Variants in KLHL36 observed in about 807,000 individuals in gnomAD.
The protein encoded by KLHL36 is kelch like family member 36, also known as kelch-like protein 36.
A neutral mutation model predicts 53.3 loss-of-function variants in KLHL36; 35 were observed. That is an observed-to-expected ratio of 0.66 (90% CI 0.50 to 0.87). KLHL36 has a LOEUF of 0.87. Among genes scored for constraint, KLHL36 ranks in the 40% least tolerant of loss-of-function variants. The pLI is 0.00. For synonymous variants in KLHL36, 472 were observed against 398.9 expected, an observed-to-expected ratio of 1.18 and a Z score of -2.18; for missense variants, 864 against 897.6, an observed-to-expected ratio of 0.96 and a Z score of 0.48.
rs1354736946 is a variant in KLHL36 at position 84,657,475 on chromosome 16, A to G, written c.668A>G (p.Glu223Gly). The change falls in exon 3 of 5, where the codon GAG becomes GGG. Residue 223 changes from glutamate to glycine, a missense_variant. Coordinates refer to ENST00000564996, the MANE Select transcript of KLHL36 (RefSeq NM_024731.4). Reference sequence around the variant, plus strand: ...CTGCAGTGGCTGACGCAGCAGCCCGAGCGCGAGGCCCACGCCCGCCAGGTG... The same window carrying G: ...CTGCAGTGGCTGACGCAGCAGCCCGGGCGCGAGGCCCACGCCCGCCAGGTG... ...AALQWLTQQP[E>G]REAHARQVLE... 1.9e-6 allele frequency: 3 copies of G among 1,607,036 alleles called. No individual in the cohort carries two copies. The African/African-American group carries it at 4.0e-5, about 21-fold the overall frequency.
rs1390569503 is a variant in KLHL36 at position 84,663,403 on chromosome 16, CA to C, written c.*1271del. On this transcript the variant is annotated 3_prime_UTR_variant, in exon 5 of 5. Coordinates refer to ENST00000564996, the MANE Select transcript of KLHL36 (RefSeq NM_024731.4). ...TGCAAACAGTTCCTAAAGCAGGTGT[CA>C]GGGTCGCTTGCCCTTTAAGAGGGCT... The C allele has an allele frequency of 6.6e-6, 1 of 152,288 alleles. No individual in the cohort carries two copies. The highest frequency in any genetic ancestry group is 2.4e-5 in the African/African-American group (1 of 41,450). The allele number at this position is 152,288 out of a possible 1,614,324, so 9.4% of individuals were successfully genotyped here.
chr16:84,656,808 C>T (rs1382316824), intron 2 of KLHL36, 63 bp from the exon 3 acceptor site: 3 of 1,202,406 alleles, frequency 2.5e-6, no homozygotes, highest in Non-Finnish European at 2.4e-6. Context: ...GGTCAGGACC[C>T]ACTGGGTTGG....
Position 84,653,242 on chromosome 16 carries a change from T to C in KLHL36, c.63+2312T>C, listed in dbSNP as rs368025114. 2.6e-5 allele frequency among the ~76,000 whole-genome samples: 4 copies of C among 152,060 alleles called. No homozygotes were observed. The South Asian group carries it at 8.3e-4, about 32-fold the overall frequency. Reference sequence around the variant, plus strand: ...AAAAAAAAAAAGTGTTGTTCCTTTTTGATGCTAAATTCTTTTTCCACGTCT... The same window carrying C: ...AAAAAAAAAAAGTGTTGTTCCTTTTCGATGCTAAATTCTTTTTCCACGTCT... On this transcript the variant is annotated intron_variant, in intron 2 of 4. Coordinates refer to ENST00000564996, the MANE Select transcript of KLHL36 (RefSeq NM_024731.4).
rs938738780 is a variant in KLHL36 at position 84,662,400 on chromosome 16, A to G, written c.*267A>G. 3.0e-6 allele frequency: 1 copy of G among 327,922 alleles called. No homozygotes were observed. Among genetic ancestry groups the G allele is most frequent in the South Asian group, 7.7e-5 (1 of 12,942 alleles). 20.3% of individuals were successfully genotyped at this position (327,922 alleles called of 1,614,324 possible). On this transcript the variant is annotated 3_prime_UTR_variant, in exon 5 of 5. Transcript: ENST00000564996. ...TCTTTGCCCCGTGTTATGATTCCTC[A>G]TGGGTCCTTGCTGACTGTCCCCCTG... is the stretch of plus-strand genomic sequence containing the variant.
intron 3 of KLHL36, 98 bp from the exon 4 acceptor site, chr16:84,659,662 G>A (rs1907428424): frequency 5.7e-6 from 7 of 1,233,142 alleles, no homozygotes; most frequent in East Asian, 4.7e-5. Flanking sequence ...ATTCTCCGGG[G>A]TTGTGCATTC....
chr16:84,657,526 T>C lies in KLHL36; in HGVS notation c.719T>C (p.Ile240Thr). ...CTGGAGAACATCCACTTCCCGCTCA[T>C]CCCCAAGAACGACCTGCTGCACCGC... ...QVLENIHFPL[I>T]PKNDLLHRVK... Residue 240 changes from isoleucine to threonine, a missense_variant, in exon 3 of 5, where the codon ATC (isoleucine) becomes ACC (threonine). Coordinates refer to ENST00000564996, the MANE Select transcript of KLHL36 (RefSeq NM_024731.4). 6.2e-7 allele frequency: 1 copy of C among 1,610,016 alleles called. No individual in the cohort carries two copies. The highest frequency in any genetic ancestry group is 8.5e-7 in the Non-Finnish European group (1 of 1,179,872).
chr16:84,651,271 AACTCCAAGG>A (rs1461875726), intron 2 of KLHL36, among the ~76,000 whole-genome samples: 1 of 152,106 alleles, frequency 6.6e-6, no homozygotes, highest in Non-Finnish European at 1.5e-5. Flanking sequence ...GGGGCTCAAA[AACTCCAAGG>A]ACAGGTCCAT....
rs112226135 is a variant in KLHL36, at chr16:84,657,596, C to T, written c.789C>T (p.Cys263=). The T allele has an allele frequency of 1.6e-3, 2,653 of 1,611,242 alleles. 34 individuals are homozygous for T. In the African/African-American group the frequency reaches 0.027, roughly 16 times the overall value. ...CGCTGCTGCCCAAGGAGGCCAACTG[C>T]GAGGGCTTCATCGAGGAGGCCGTGC... ...VCSLLPKEAN[C]EGFIEEAVRY... is the part of the protein sequence containing the mutation. The change falls in exon 3 of 5, where the codon TGC becomes TGT. Residue 263 remains cysteine, a synonymous_variant. Coordinates refer to ENST00000564996, the MANE Select transcript of KLHL36 (RefSeq NM_024731.4).
Position 84,659,918 on chromosome 16 carries a change from G to T in KLHL36, c.1295+1G>T. On this transcript the variant is annotated splice_donor_variant, in intron 4 of 4. Transcript: ENST00000564996. LOFTEE classifies it high-confidence loss of function. ...GGTCCTATGTGGCCGGCTTGCCAAG[G>T]TGATCTGGGGCTTGGTGGAAGGTTC... 2 of 1,603,106 alleles carry T rather than the reference G, an allele frequency of 1.2e-6. No homozygotes were observed. The highest frequency in any genetic ancestry group is 1.7e-6 in the Non-Finnish European group (2 of 1,170,956).
At position 84,659,763 on chromosome 16, in the gene KLHL36, G is replaced by A; in HGVS notation, c.1141G>A (p.Ala381Thr). The change falls in exon 4 of 5, where the codon GCC becomes ACC. Residue 381 changes from alanine (A) to threonine (T), a missense_variant. Transcript: ENST00000564996. ...DPRCKQWIKV[A>T]SMNQRRVDFY... ...TACAGGTATCTCAACTCCACAGGTG[G>A]CCTCCATGAACCAGCGCCGTGTGGA... 1.2e-6 allele frequency: 2 copies of A among 1,614,010 alleles called. No homozygotes were observed. Among genetic ancestry groups the A allele is most frequent in the Non-Finnish European group, 1.7e-6 (2 of 1,179,938 alleles).
At chr16:84,656,627 G>C (rs1441998572) in intron 2 of KLHL36, among the ~76,000 whole-genome samples, 1 of 44,582 alleles carries the variant, frequency 2.2e-5, no homozygotes, top group African/African-American at 5.8e-5. Context: ...GCAAGGCTCT[G>C]TGTCAAAAAA....
intron 2 of KLHL36, among the ~76,000 whole-genome samples, chr16:84,651,950 A>G (rs1436848078): frequency 6.6e-6 from 1 of 152,200 alleles, no homozygotes; most frequent in Non-Finnish European, 1.5e-5. Context: ...AAAAGGGGGA[A>G]AGAGATTCTA....
chr16:84,650,136 G>C (rs546138785), intron 1 of KLHL36, among the ~76,000 whole-genome samples: 1 of 152,282 alleles, frequency 6.6e-6, no homozygotes, highest in Non-Finnish European at 1.5e-5. Flanking sequence ...TCACCTCACT[G>C]CTCTCAGCAT....
In KLHL36 at chr16:84,654,901, C is replaced by G. The variant is rs370461641; in HGVS notation, c.64-1970C>G. Among the ~76,000 whole-genome samples, 6 of 152,186 alleles carry G rather than the reference C, an allele frequency of 3.9e-5. 1 individual carries two copies. The highest frequency in any genetic ancestry group is 3.9e-4 in the East Asian group (2 of 5,194). ...CTGGGATTCCAGGCATGAGCCACCACGCCCGGCTGAGCCTAGGAGTTTCAG... is the reference window on the plus strand; with the variant it reads ...CTGGGATTCCAGGCATGAGCCACCAGGCCCGGCTGAGCCTAGGAGTTTCAG... On this transcript the variant is annotated intron_variant, in intron 2 of 4. Transcript: ENST00000564996.
In KLHL36 at chr16:84,661,565, G is replaced by A. The variant is rs376482048; in HGVS notation, c.1296-13G>A. On this transcript the variant is annotated splice_polypyrimidine_tract_variant and intron_variant, in intron 4 of 4. Transcript: ENST00000564996. The surrounding 1 kb of genome is among the most constrained non-coding windows in gnomAD (Gnocchi z 7.9). ...CTGAGCTCTCCCTCTGTCTCTGCCC[G>A]TCGACCCTGCAGGTTCACGTACGGC... 1.2e-5 allele frequency: 19 copies of A among 1,562,442 alleles called. No individual in the cohort carries two copies. Among genetic ancestry groups the A allele is most frequent in the African/African-American group, 4.1e-5 (3 of 73,712 alleles).
rs758083086 is a variant in KLHL36, at chr16:84,657,887, G to A, written c.1080G>A (p.Gly360=). The change falls in exon 3 of 5, where the codon GGG becomes GGA. Residue 360 remains glycine, a synonymous_variant. Transcript: ENST00000564996. ...GCAGCTTCTCACGGGACAACGGAGG[G>A]GATGCGGCCTCCAATCTTCTTTATA... The part of the protein sequence containing the change: ...AGGSFSRDNG[G]DAASNLLYRY... The A allele has an allele frequency of 1.7e-5, 27 of 1,564,072 alleles. No homozygotes were observed. Among genetic ancestry groups the A allele is most frequent in the Non-Finnish European group, 2.1e-5 (24 of 1,153,854 alleles).
intron 2 of KLHL36, among the ~76,000 whole-genome samples, chr16:84,652,330 G>A (rs1276552609): frequency 1.3e-5 from 2 of 151,932 alleles, no homozygotes; most frequent in South Asian, 4.1e-4. Flanking sequence ...GAGTACAGTG[G>A]TGCGATCATA....
chr16:84,661,826 G>T lies in KLHL36; in HGVS notation c.1544G>T (p.Gly515Val). ...TCCATGGAGCGCTTCGACGTGCTGG[G>T]CGTGGAGGCCTACAGCCCGCAGTGC... ...IESMERFDVL[G>V]VEAYSPQCNQ... Residue 515 changes from glycine (G) to valine (V), a missense_variant, in exon 5 of 5, where the codon GGC (glycine) becomes GTC (valine). Gly to Val is a moderately radical substitution (Grantham distance 109, BLOSUM62 -3). Coordinates refer to ENST00000564996, the MANE Select transcript of KLHL36 (RefSeq NM_024731.4). This position sits in a 1 kb window ranked among gnomAD's most constrained non-coding sequence, Gnocchi z 7.9. 1 of 1,608,444 alleles carries T rather than the reference G, an allele frequency of 6.2e-7. No individual in the cohort carries two copies. The highest frequency in any genetic ancestry group is 8.5e-7 in the Non-Finnish European group (1 of 1,175,762).
In KLHL36 at chr16:84,667,493, C is replaced by G. The variant is rs1293049061; in HGVS notation, c.*5360C>G. The G allele has an allele frequency of 4.6e-5, 7 of 152,126 alleles. No individual in the cohort carries two copies. Among genetic ancestry groups the G allele is most frequent in the East Asian group, 3.8e-4 (2 of 5,200 alleles). The allele number at this position is 152,126 out of a possible 1,614,324, so 9.4% of individuals were successfully genotyped here. ...AATTTTCTGCACGTTGCTTTTTTCTCTTTGTTTTTAATTCCATACAGAGTA... is the reference window on the plus strand; with the variant it reads ...AATTTTCTGCACGTTGCTTTTTTCTGTTTGTTTTTAATTCCATACAGAGTA... On this transcript the variant is annotated 3_prime_UTR_variant, in exon 5 of 5. Transcript: ENST00000564996.
Sources: allele counts gnomAD v4.1 joint callset (sites outside exome capture counted in the v4.1 genomes callset), GRCh38; gene constraint gnomAD v4.1.1; non-coding constraint Gnocchi (gnomAD v3.1); transcripts MANE v1.5; gene names NCBI Gene and HGNC (gene_info 2026-07-23, HGNC 2026-07-21).